The following KCNQ5 variants were observed in gnomAD, a reference collection of about 807,000 sequenced individuals.
KCNQ5 encodes the protein potassium voltage-gated channel subfamily KQT member 5.
Under a neutral mutation model 98.2 loss-of-function variants are expected in KCNQ5, and 30 were observed. The observed-to-expected ratio is 0.31, with a 90% CI of 0.23 to 0.41. KCNQ5 has a LOEUF of 0.41. Ranked by LOEUF, KCNQ5 falls within the 10% of genes least tolerant of loss-of-function variation. The probability of loss-of-function intolerance (pLI) is 1.00; values close to 1 mark genes in which losing one functional copy is unlikely to be tolerated. For synonymous variants in KCNQ5, 458 were observed against 449.4 expected, an observed-to-expected ratio of 1.02 and a Z score of -0.24; for missense variants, 835 against 1,182.5, an observed-to-expected ratio of 0.71 and a Z score of 4.31.
Position 72,707,480 on chromosome 6 carries a change from T to C in KCNQ5, c.398+84893T>C, listed in dbSNP as rs536389744. Among the ~76,000 whole-genome samples, 3 of 152,322 alleles carry C rather than the reference T, an allele frequency of 2.0e-5. No homozygotes were observed. The South Asian group carries it at 6.2e-4, about 32-fold the overall frequency. ...CTTTATATCTGGATTCAGTAGGGAA[T>C]GAAACAAAGTTTATATTTGTTAATT... On this transcript the variant is annotated intron_variant, in intron 1 of 13. Coordinates refer to ENST00000370398, the MANE Select transcript of KCNQ5 (RefSeq NM_019842.4).
chr6:72,712,378 G>T (rs1769416014), intron 1 of KCNQ5, among the ~76,000 whole-genome samples: 1 of 152,204 alleles, frequency 6.6e-6, no homozygotes, highest in Non-Finnish European at 1.5e-5. Flanking sequence ...TCTGAAGTGA[G>T]TAGCATGCAG....
chr6:73,114,940 G>A (rs971930797), intron 7 of KCNQ5, among the ~76,000 whole-genome samples: 27 of 152,166 alleles, frequency 1.8e-4, no homozygotes, highest in African/African-American at 6.3e-4. Flanking sequence ...TTACCCTAAA[G>A]CGAAGCCACT....
intron 2 of KCNQ5, among the ~76,000 whole-genome samples, chr6:73,024,987 T>C (rs1321997359): frequency 2.0e-5 from 3 of 152,244 alleles, no homozygotes; most frequent in Non-Finnish European, 2.9e-5. Flanking sequence ...ACTCAACATT[T>C]GATTGAGAGG....
chr6:72,646,406 T>C (rs1765598261), intron 1 of KCNQ5, among the ~76,000 whole-genome samples: 2 of 152,254 alleles, frequency 1.3e-5, no homozygotes, highest in Admixed American at 1.3e-4. Context: ...ATAAAAATAC[T>C]AAAATTTCTT....
At chr6:73,015,387 G>A (rs150576286) in intron 2 of KCNQ5, among the ~76,000 whole-genome samples, 1 of 152,212 alleles carries the variant, frequency 6.6e-6, no homozygotes, top group East Asian at 1.9e-4. Context: ...AACCTTAACA[G>A]AAGGATAATA....
At chr6:72,798,650 C>A (rs372073059) in intron 1 of KCNQ5, among the ~76,000 whole-genome samples, 1 of 152,244 alleles carries the variant, frequency 6.6e-6, no homozygotes, top group South Asian at 2.1e-4. Flanking sequence ...ACAAAACAGA[C>A]TAAGCTGTTA....
intron 5 of KCNQ5, among the ~76,000 whole-genome samples, chr6:73,087,904 A>G (rs1196194525): frequency 6.6e-6 from 1 of 152,148 alleles, no homozygotes; most frequent in East Asian, 1.9e-4. Flanking sequence ...AGCCCAGGTA[A>G]GGTGGCATGA....
intron 1 of KCNQ5, among the ~76,000 whole-genome samples, chr6:72,882,966 A>T (rs1778693785): frequency 6.6e-6 from 1 of 152,126 alleles, no homozygotes; most frequent in African/African-American, 2.4e-5. Flanking sequence ...TTTATCTTCA[A>T]CTTGATTTAG....
rs188416474 is a variant in KCNQ5 at position 72,654,209 on chromosome 6, G to A, written c.398+31622G>A. ...TTGGAATAGAAGGAAACTGGAGTTG[G>A]GGGAGGGAACTGGAAGAGTGTTGGG... is the stretch of plus-strand genomic sequence containing the variant. On this transcript the variant is annotated intron_variant, in intron 1 of 13. Coordinates refer to ENST00000370398, the MANE Select transcript of KCNQ5 (RefSeq NM_019842.4). 1.5e-3 allele frequency among the ~76,000 whole-genome samples: 224 copies of A among 152,070 alleles called. 1 individual carries two copies. Among genetic ancestry groups the A allele is most frequent in the Middle Eastern group, 6.8e-3 (2 of 294 alleles).
intron 8 of KCNQ5, among the ~76,000 whole-genome samples, chr6:73,122,016 T>G (rs1775770251): frequency 6.6e-6 from 1 of 152,242 alleles, no homozygotes; most frequent in Non-Finnish European, 1.5e-5. Context: ...GAATGCATGT[T>G]TGGATTAAAA....
intron 1 of KCNQ5, among the ~76,000 whole-genome samples, chr6:72,873,321 A>G (rs1030665155): frequency 1.3e-5 from 2 of 152,144 alleles, no homozygotes; most frequent in Non-Finnish European, 2.9e-5. Context: ...TTTAAAAACC[A>G]TTATTATAGT....
chr6:73,141,379 T>C (rs949207553), intron 10 of KCNQ5, among the ~76,000 whole-genome samples: 3 of 152,350 alleles, frequency 2.0e-5, no homozygotes, highest in Admixed American at 2.0e-4. Context: ...AGGTTGCTTC[T>C]TCCATTACTT....
intron 1 of KCNQ5, among the ~76,000 whole-genome samples, chr6:72,811,778 A>G (rs1775255057): frequency 6.6e-6 from 1 of 152,200 alleles, no homozygotes; most frequent in Non-Finnish European, 1.5e-5. Context: ...CTTGAATCTC[A>G]CACAAGAAAG....
intron 11 of KCNQ5, among the ~76,000 whole-genome samples, chr6:73,180,291 A>G (rs919399148): frequency 3.5e-4 from 54 of 152,226 alleles, no homozygotes; most frequent in African/African-American, 1.3e-3. Context: ...GCACAACGTC[A>G]TAGGTACTCA....
chr6:72,798,068 T>G (rs62412463), intron 1 of KCNQ5, among the ~76,000 whole-genome samples: 10,957 of 152,258 alleles, frequency 0.072, 517 homozygotes, highest in Middle Eastern at 0.19. Context: ...AAGCACTCTG[T>G]GATACCCATG....
In KCNQ5 at chr6:73,002,266, T is replaced by C. The variant is rs374114019; in HGVS notation, c.399-1642T>C. On this transcript the variant is annotated intron_variant, in intron 1 of 13. Coordinates refer to ENST00000370398, the MANE Select transcript of KCNQ5 (RefSeq NM_019842.4). ...CCCCTTTCCCCTCAGTTTGAGGAGA[T>C]AGAGAAGTGTCTTCCTGAGCCGAGA... Among the ~76,000 whole-genome samples the C allele has an allele frequency of 1.1e-3, 168 of 152,322 alleles. 2 individuals are homozygous for C. The South Asian group carries it at 0.025, about 23-fold the overall frequency.
intron 7 of KCNQ5, among the ~76,000 whole-genome samples, chr6:73,112,409 G>T (rs1273983733): frequency 6.6e-6 from 1 of 151,202 alleles, no homozygotes; most frequent in Non-Finnish European, 1.5e-5. Context: ...GCAGTGGTGC[G>T]ATCTCGGCTC....
chr6:72,926,643 TATA>T (rs1765434081), intron 1 of KCNQ5, among the ~76,000 whole-genome samples: 1 of 152,156 alleles, frequency 6.6e-6, no homozygotes, highest in Non-Finnish European at 1.5e-5. Context: ...ATCCTCTTTA[TATA>T]ATATTTCTAA....
chr6:73,096,687 A>T (rs1244559879), intron 5 of KCNQ5, among the ~76,000 whole-genome samples: 1 of 152,188 alleles, frequency 6.6e-6, no homozygotes, highest in Admixed American at 6.5e-5. Flanking sequence ...TGATTTACAA[A>T]CACAATGTGG....
Sources: allele counts gnomAD v4.1 joint callset (sites outside exome capture counted in the v4.1 genomes callset), GRCh38; gene constraint gnomAD v4.1.1; transcripts MANE v1.5; gene names NCBI Gene and HGNC (gene_info 2026-07-23, HGNC 2026-07-21).